CSGALNACT1: variants seen among roughly 807,000 people sequenced by gnomAD.
CSGALNACT1 encodes beta4GalNAcT-1.
Under a neutral mutation model 51.0 loss-of-function variants are expected in CSGALNACT1, and 52 were observed. That is an observed-to-expected ratio of 1.02 (90% CI 0.82 to 1.29). The LOEUF (loss-of-function observed/expected upper bound fraction) is 1.29, where lower values mean the gene tolerates loss of function less well. Ranked by LOEUF, CSGALNACT1 falls within the 50% of genes most tolerant of loss-of-function variation. CSGALNACT1 has a pLI of 0.00. For synonymous variants in CSGALNACT1, 341 were observed against 254.4 expected, an observed-to-expected ratio of 1.34 and a Z score of -3.24; for missense variants, 935 against 679.2, an observed-to-expected ratio of 1.38 and a Z score of -4.19.
chr8:19,438,957 T>G lies in CSGALNACT1; in HGVS notation c.953+873A>C, dbSNP rs116639548. ...GAAACTCAAAACAGAGGACACTGTT[T>G]ATATCTAAATGATATGGATCTACTC... On this transcript the variant is annotated intron_variant, in intron 6 of 9. Transcript: ENST00000454498. Among the ~76,000 whole-genome samples the G allele has an allele frequency of 3.6e-3, 541 of 152,326 alleles. 2 individuals carry two copies. Among genetic ancestry groups the G allele is most frequent in the African/African-American group, 0.012 (506 of 41,568 alleles).
At chr8:19,475,143 AG>A (rs2153887110) in intron 4 of CSGALNACT1, among the ~76,000 whole-genome samples, 1 of 152,280 alleles carries the variant, frequency 6.6e-6, no homozygotes, top group South Asian at 2.1e-4. Context: ...CACACTTAAC[AG>A]GGGTTGGATG....
rs566207860 is a variant in CSGALNACT1, at chr8:19,635,751, G to A, written c.-543-33886C>T. Among the ~76,000 whole-genome samples the A allele has an allele frequency of 5.3e-5, 8 of 152,208 alleles. No homozygotes were observed. In the East Asian group the frequency reaches 5.8e-4, roughly 11 times the overall value. Reference sequence around the variant, plus strand: ...AGCTTTTCGTTTTGTTTTTTGAGACGGAGTCTTGCTCTGTTGCCCAGGCTG... The same window carrying A: ...AGCTTTTCGTTTTGTTTTTTGAGACAGAGTCTTGCTCTGTTGCCCAGGCTG... On this transcript the variant is annotated intron_variant, in intron 1 of 9. Transcript: ENST00000332246.
At chr8:19,406,521 C>A (rs1178088220) in intron 9 of CSGALNACT1, among the ~76,000 whole-genome samples, 1 of 149,938 alleles carries the variant, frequency 6.7e-6, no homozygotes, top group Non-Finnish European at 1.5e-5. Context: ...ATGATGGATA[C>A]CTCCCATGAC....
intron 4 of CSGALNACT1, among the ~76,000 whole-genome samples, chr8:19,484,080 G>A (rs533513767): frequency 6.6e-6 from 1 of 152,114 alleles, no homozygotes; most frequent in East Asian, 1.9e-4. Flanking sequence ...CACCCCATTA[G>A]TCTCTTAGGA....
intron 1 of CSGALNACT1, among the ~76,000 whole-genome samples, chr8:19,614,154 T>C (rs2052676913): frequency 6.6e-6 from 1 of 152,196 alleles, no homozygotes. Flanking sequence ...AAAACGTGTA[T>C]TGATCACCTA....
At chr8:19,546,620 C>T (rs1016867576) in intron 3 of CSGALNACT1, among the ~76,000 whole-genome samples, 2 of 152,216 alleles carry the variant, frequency 1.3e-5, no homozygotes, top group African/African-American at 4.8e-5. Flanking sequence ...CATCCACTCT[C>T]CCAAGTCAGT....
chr8:19,432,955 AT>A (rs909149494), intron 6 of CSGALNACT1, among the ~76,000 whole-genome samples: 82 of 149,804 alleles, frequency 5.5e-4, no homozygotes, highest in Non-Finnish European at 8.8e-4. Context: ...CTAATGACCG[AT>A]TTTTTTTTTC....
At chr8:19,735,448 T>C (rs569179886) in intron 1 of CSGALNACT1, among the ~76,000 whole-genome samples, 2 of 152,062 alleles carry the variant, frequency 1.3e-5, no homozygotes, top group African/African-American at 4.8e-5. Flanking sequence ...AACATTCCAA[T>C]GACCATAAGC....
intron 3 of CSGALNACT1, among the ~76,000 whole-genome samples, chr8:19,512,140 G>T (rs1047726848): frequency 5.3e-5 from 8 of 152,192 alleles, no homozygotes; most frequent in African/African-American, 1.9e-4. Flanking sequence ...GTAAAAGGGG[G>T]CAGCTTCTGT....
intron 6 of CSGALNACT1, among the ~76,000 whole-genome samples, chr8:19,425,221 G>C (rs7004435): frequency 2.0e-5 from 3 of 151,994 alleles, no homozygotes; most frequent in Non-Finnish European, 4.4e-5. Context: ...GGCGCCTGTA[G>C]TCCTCACTAC....
Position 19,464,047 on chromosome 8 carries a change from G to C in CSGALNACT1, c.635-5405C>G, listed in dbSNP as rs544534932. 4.0e-4 allele frequency among the ~76,000 whole-genome samples: 61 copies of C among 152,300 alleles called. No individual in the cohort carries two copies. The South Asian group carries it at 0.012, about 30-fold the overall frequency. On this transcript the variant is annotated intron_variant, in intron 4 of 9. Coordinates refer to ENST00000454498, the Ensembl canonical transcript of CSGALNACT1. ...AGATTCCCCGCCCCCACTGACATGC[G>C]TGCAGACGGGTTGTGACAGATGTCA... is the stretch of plus-strand genomic sequence containing the variant.
intron 2 of CSGALNACT1, among the ~76,000 whole-genome samples, chr8:19,593,115 C>CA (rs1373248693): frequency 6.6e-6 from 1 of 152,174 alleles, no homozygotes; most frequent in Admixed American, 6.5e-5. Context: ...CTAACTGCTT[C>CA]AGTAACTAAA....
intron 5 of CSGALNACT1, among the ~76,000 whole-genome samples, chr8:19,454,320 C>T (rs2063699614): frequency 1.3e-5 from 2 of 152,200 alleles, no homozygotes; most frequent in South Asian, 4.1e-4. Flanking sequence ...AAATCCAGAA[C>T]TGCAGAAACT....
intron 6 of CSGALNACT1, among the ~76,000 whole-genome samples, chr8:19,427,823 C>G (rs937539267): frequency 2.0e-5 from 3 of 152,038 alleles, no homozygotes; most frequent in African/African-American, 7.2e-5. Flanking sequence ...GGGTGGCAAT[C>G]TTAACACCAT....
At chr8:19,491,892 A>G (rs2074426011) in intron 4 of CSGALNACT1, among the ~76,000 whole-genome samples, 1 of 152,226 alleles carries the variant, frequency 6.6e-6, no homozygotes, top group African/African-American at 2.4e-5. Context: ...CCACAGAATT[A>G]GCAATTTTTC....
At position 19,667,141 on chromosome 8, in the gene CSGALNACT1, C is replaced by T. The variant is rs574301467; in HGVS notation, c.-544+15332G>A. Among the ~76,000 whole-genome samples the T allele has an allele frequency of 7.3e-5, 11 of 151,564 alleles. No individual in the cohort carries two copies. In the East Asian group the frequency reaches 2.1e-3, roughly 29 times the overall value. On this transcript the variant is annotated intron_variant, in intron 1 of 9. Transcript: ENST00000332246. ...ACAATATCAAAAGACATAATTTCAG[C>T]CAGGTGCACAGGCTCATGCCTGTAA... is the stretch of plus-strand genomic sequence containing the variant.
At chr8:19,518,209 T>G (rs1404319759) in intron 3 of CSGALNACT1, among the ~76,000 whole-genome samples, 1 of 152,196 alleles carries the variant, frequency 6.6e-6, no homozygotes. Context: ...AGTAAGGCTT[T>G]CTTTTAAATG....
intron 1 of CSGALNACT1, among the ~76,000 whole-genome samples, chr8:19,615,776 T>C (rs558793669): frequency 6.6e-6 from 1 of 152,058 alleles, no homozygotes; most frequent in African/African-American, 2.4e-5. Context: ...ATCCAGAAAA[T>C]GCAAATGAGA....
intron 3 of CSGALNACT1, among the ~76,000 whole-genome samples, chr8:19,519,055 T>C (rs2975456): frequency 0.28 from 42,742 of 152,036 alleles, 7,597 homozygotes; most frequent in African/African-American, 0.51. Flanking sequence ...AGGTACCAGC[T>C]GATGGTTTTA....
Sources: gnomAD v4.1 joint callset for allele counts (sites outside exome capture counted in the v4.1 genomes callset) on GRCh38, gnomAD v4.1.1 for gene constraint, MANE v1.5 for transcripts, NCBI Gene and HGNC (gene_info 2026-07-23, HGNC 2026-07-21) for gene names.